The following XRN2 variants were observed in gnomAD, a reference collection of about 807,000 sequenced individuals.
XRN2 encodes 5'-3' exoribonuclease 2, also known as DHM1-like protein.
In XRN2, 44 loss-of-function variants were observed where a neutral mutation model predicts 138.5. The observed-to-expected ratio is 0.32, with a 90% CI of 0.25 to 0.41. The LOEUF is 0.41. Among genes scored for constraint, XRN2 ranks in the 10% least tolerant of loss-of-function variants. The pLI, the probability that XRN2 is intolerant of heterozygous loss-of-function variation, is 1.00. For missense variants in XRN2, 937 were observed against 1,169.3 expected (o/e 0.80, Z 2.90); for synonymous variants, 354 against 369.4 (o/e 0.96, Z 0.48).
At chr20:21,304,322 T>G (rs926758900) in intron 1 of XRN2, among the ~76,000 whole-genome samples, 2 of 151,998 alleles carry the variant, frequency 1.3e-5, no homozygotes, top group Admixed American at 6.5e-5. Flanking sequence ...AGGCAGTGCT[T>G]GCCTGTCACT....
chr20:21,356,928 C>T (rs2038582334), intron 23 of XRN2, among the ~76,000 whole-genome samples: 1 of 152,080 alleles, frequency 6.6e-6, no homozygotes, highest in African/African-American at 2.4e-5. Flanking sequence ...TAAGATGTTA[C>T]GGTGTTACTT....
rs1349416080 is a variant in XRN2, at chr20:21,306,754, A to C, written c.75+3281A>C. Reference sequence around the variant, plus strand: ...GCCGGGTGCGGTGGCTCACGACTGTAATCCCAGCACTTTGGGAGGCTGAGG... The same window carrying C: ...GCCGGGTGCGGTGGCTCACGACTGTCATCCCAGCACTTTGGGAGGCTGAGG... On this transcript the variant is annotated intron_variant, in intron 1 of 29. Transcript: ENST00000377191. Among the ~76,000 whole-genome samples, 2 of 75,672 alleles carry C rather than the reference A, an allele frequency of 2.6e-5. 1 individual carries two copies. The highest frequency in any genetic ancestry group is 6.2e-5 in the Non-Finnish European group (2 of 32,260). The allele number at this position is 75,672 out of a possible 152,430, so 49.6% of individuals were successfully genotyped here.
At chr20:21,328,035 T>G (rs1244611070) in intron 3 of XRN2, among the ~76,000 whole-genome samples, 1 of 152,216 alleles carries the variant, frequency 6.6e-6, no homozygotes, top group Non-Finnish European at 1.5e-5. Flanking sequence ...TTATAAACCT[T>G]ATTGTGGGAA....
chr20:21,334,936 G>A (rs923327434), intron 13 of XRN2, among the ~76,000 whole-genome samples: 10 of 142,752 alleles, frequency 7.0e-5, no homozygotes, highest in Non-Finnish European at 1.3e-4. Flanking sequence ...CTTTTGAAGA[G>A]ATTTGAGAAC....
At chr20:21,348,811 T>C (rs75375638) in intron 19 of XRN2, among the ~76,000 whole-genome samples, 8,631 of 152,028 alleles carry the variant, frequency 0.057, 309 homozygotes, top group African/African-American at 0.092. Flanking sequence ...GCCCAGCTAA[T>C]TTTTTGTATT....
intron 24 of XRN2, 63 bp from the exon 25 acceptor site, chr20:21,365,358 A>G: frequency 2.7e-6 from 4 of 1,498,828 alleles, no homozygotes; most frequent in Non-Finnish European, 3.6e-6. Flanking sequence ...AAAATACCTC[A>G]GTCTACATGA....
At chr20:21,359,277 A>G (rs2038610286) in intron 24 of XRN2, among the ~76,000 whole-genome samples, 1 of 152,146 alleles carries the variant, frequency 6.6e-6, no homozygotes, top group Non-Finnish European at 1.5e-5. Context: ...CACACCTGTA[A>G]TCCCAGCACT....
At chr20:21,381,683 G>A (rs1313916400) in intron 27 of XRN2, among the ~76,000 whole-genome samples, 1 of 143,758 alleles carries the variant, frequency 7.0e-6, no homozygotes, top group Non-Finnish European at 1.5e-5. Flanking sequence ...AAAACTGTGT[G>A]TAATGTATGT....
chr20:21,320,394 G>A (rs2038022803), intron 1 of XRN2, among the ~76,000 whole-genome samples: 1 of 152,016 alleles, frequency 6.6e-6, no homozygotes, highest in South Asian at 2.1e-4. Context: ...CCACCTCCCG[G>A]GTTCACGCCA....
intron 1 of XRN2, among the ~76,000 whole-genome samples, chr20:21,304,748 G>A (rs2037792071): frequency 6.6e-6 from 1 of 152,164 alleles, no homozygotes; most frequent in Non-Finnish European, 1.5e-5. Context: ...TTATAACTAA[G>A]TAATTTGCCT....
chr20:21,343,400 T>G, intron 15 of XRN2, among the ~76,000 whole-genome samples: 1 of 152,014 alleles, frequency 6.6e-6, no homozygotes, highest in East Asian at 1.9e-4. Context: ...CAGCTAAGTC[T>G]TTGAAATACC....
intron 21 of XRN2, among the ~76,000 whole-genome samples, chr20:21,355,198 A>G (rs936332113): frequency 6.6e-6 from 1 of 152,188 alleles, no homozygotes; most frequent in Non-Finnish European, 1.5e-5. Flanking sequence ...GATATTATTC[A>G]TTTTCTCCAT....
intron 27 of XRN2, among the ~76,000 whole-genome samples, chr20:21,369,735 A>C (rs1228513128): frequency 6.6e-6 from 1 of 152,132 alleles, no homozygotes; most frequent in Non-Finnish European, 1.5e-5. Context: ...TTTCCTATAG[A>C]GTTGTTTGAG....
intron 27 of XRN2, among the ~76,000 whole-genome samples, chr20:21,378,011 A>C (rs929004893): frequency 3.9e-5 from 6 of 152,146 alleles, no homozygotes; most frequent in Admixed American, 3.9e-4. Context: ...GTGCTTCAGG[A>C]ACCGCTGATA....
intron 27 of XRN2, among the ~76,000 whole-genome samples, chr20:21,374,160 AT>A (rs1280147714): frequency 2.0e-5 from 3 of 152,086 alleles, no homozygotes; most frequent in Non-Finnish European, 4.4e-5. Flanking sequence ...AATAAAGTTG[AT>A]TTTTTTGATA....
rs746981969 is a variant in XRN2, at chr20:21,333,846, A to T, written c.1067+9A>T. On this transcript the variant is annotated intron_variant, in intron 11 of 29. Transcript: ENST00000377191. ...CCATCGTTAGAGATTAGGTATGTGC[A>T]TTTGTGTAGCTTTTCAAACGACTGT... The T allele has an allele frequency of 1.9e-6, 3 of 1,614,092 alleles. No homozygotes were observed. The highest frequency in any genetic ancestry group is 2.5e-6 in the Non-Finnish European group (3 of 1,179,994).
At chr20:21,388,689 T>G (rs1445241851) in intron 29 of XRN2, among the ~76,000 whole-genome samples, 2 of 152,198 alleles carry the variant, frequency 1.3e-5, no homozygotes, top group Non-Finnish European at 2.9e-5. Context: ...GGTGTCAGGT[T>G]TATCTTTTGT....
At chr20:21,315,126 C>G (rs1473463736) in intron 1 of XRN2, among the ~76,000 whole-genome samples, 1 of 152,202 alleles carries the variant, frequency 6.6e-6, no homozygotes, top group African/African-American at 2.4e-5. Flanking sequence ...CCCACCTTGT[C>G]CCGGGCAGTT....
Position 21,389,481 on chromosome 20 carries a change from T to C in XRN2, c.*143T>C, listed in dbSNP as rs2038967151. ...TTAACTGTGTATATTTCTACTGATC[T>C]GATCTCACTGTTTATGTTGCTTTCC... On this transcript the variant is annotated 3_prime_UTR_variant, in exon 30 of 30. Coordinates refer to ENST00000377191, the MANE Select transcript of XRN2 (RefSeq NM_012255.5). The C allele has an allele frequency of 5.9e-6, 4 of 682,136 alleles. No homozygotes were observed. The highest frequency in any genetic ancestry group is 9.4e-6 in the Non-Finnish European group (4 of 424,792). 42.3% of individuals were successfully genotyped at this position (682,136 alleles called of 1,614,324 possible).
Sources: gnomAD v4.1 joint callset for allele counts (sites outside exome capture counted in the v4.1 genomes callset) on GRCh38, gnomAD v4.1.1 for gene constraint, MANE v1.5 for transcripts, NCBI Gene and HGNC (gene_info 2026-07-23, HGNC 2026-07-21) for gene names.